OLIG1: variants seen among roughly 807,000 people sequenced by gnomAD.
The protein encoded by OLIG1 is basic domain, helix-loop-helix protein, class B, 6.
A neutral mutation model predicts 13.5 loss-of-function variants in OLIG1; 9 were observed. The observed-to-expected ratio is 0.67, with a 90% CI of 0.40 to 1.17. The LOEUF is 1.17. Ranked by LOEUF, OLIG1 falls within the 50% of genes most tolerant of loss-of-function variation. OLIG1 has a pLI of 0.01. For synonymous variants in OLIG1, 215 were observed against 208.3 expected, an observed-to-expected ratio of 1.03 and a Z score of -0.28; for missense variants, 362 against 392.2, an observed-to-expected ratio of 0.92 and a Z score of 0.65.
chr21:33,070,176 G>A lies in OLIG1; in HGVS notation c.-71G>A. The A allele has an allele frequency of 2.1e-6, 3 of 1,409,274 alleles. No homozygotes were observed. Among genetic ancestry groups the A allele is most frequent in the Middle Eastern group, 2.5e-4 (1 of 3,962 alleles). 87.3% of individuals were successfully genotyped at this position (1,409,274 alleles called of 1,614,324 possible). A position where few individuals can be genotyped will look rare whatever the true frequency, so the allele number is the denominator to read the frequency against. ...CCCCGCGCGCAGGTCCGCGGGGAGG[G>A]GCGGCCTGCCGACCGGCCCACCCCA... On this transcript the variant is annotated 5_prime_UTR_variant, in exon 1 of 1. Coordinates refer to ENST00000382348, the MANE Select transcript of OLIG1 (RefSeq NM_138983.3). The surrounding 1 kb of genome is among the most constrained non-coding windows in gnomAD (Gnocchi z 5.9).
rs1982185181 is a variant in OLIG1, at chr21:33,070,436, C to T, written c.190C>T (p.Leu64Phe). The change falls in exon 1 of 1, where the codon CTC (leucine) becomes TTC (phenylalanine). Residue 64 changes from leucine to phenylalanine, a missense_variant. By Grantham distance (22) the Leu-to-Phe change is conservative. This residue lies in a region of OLIG1 where 206 missense variants were observed against 197.2 expected (regional missense o/e 1.04). Coordinates refer to ENST00000382348, the MANE Select transcript of OLIG1 (RefSeq NM_138983.3). The surrounding 1 kb of genome is among the most constrained non-coding windows in gnomAD (Gnocchi z 5.9). The stretch of plus-strand genomic sequence containing the variant: ...TTCCTCCTCCTCCACGACGGCCCCC[C>T]TCCTCCCCAAGGCTGCGCGCGAGAA... The part of the protein sequence containing the change: ...STSSSSTTAP[L>F]LPKAAREKPE... The T allele has an allele frequency of 6.5e-7, 1 of 1,533,742 alleles. No individual in the cohort carries two copies.
Position 33,071,475 on chromosome 21 carries a change from C to G in OLIG1, c.*413C>G, listed in dbSNP as rs762180. On this transcript the variant is annotated 3_prime_UTR_variant, in exon 1 of 1. Coordinates refer to ENST00000382348, the MANE Select transcript of OLIG1 (RefSeq NM_138983.3). This position sits in a 1 kb window ranked among gnomAD's most constrained non-coding sequence, Gnocchi z 6.0. ...GCTACCTCCCCGGAGCGGAGCACGCCGGCTCCCAGTACTAGGGGCTGCGCT... is the reference window on the plus strand; with the variant it reads ...GCTACCTCCCCGGAGCGGAGCACGCGGGCTCCCAGTACTAGGGGCTGCGCT... 0.13 allele frequency: 21,067 copies of G among 166,392 alleles called. 1,439 individuals carry two copies. Among genetic ancestry groups the G allele is most frequent in the South Asian group, 0.24 (1,188 of 5,032 alleles). The allele number at this position is 166,392 out of a possible 1,614,324, so 10.3% of individuals were successfully genotyped here.
At position 33,070,525 on chromosome 21, in the gene OLIG1, C is replaced by T; in HGVS notation, c.279C>T (p.Ser93=). ...GPGSGAHPGG[S]ARPDAKEEQQ... is the part of the protein sequence containing the mutation. ...GGTCAGGCGCGCACCCGGGCGGCAG[C>T]GCCCGGCCGGACGCCAAGGAGGAGC... Residue 93 remains serine, a synonymous_variant, in exon 1 of 1, where the codon AGC becomes AGT. Transcript: ENST00000382348. This position sits in a 1 kb window ranked among gnomAD's most constrained non-coding sequence, Gnocchi z 5.9. The T allele has an allele frequency of 1.3e-6, 2 of 1,498,674 alleles. No individual in the cohort carries two copies. Among genetic ancestry groups the T allele is most frequent in the Non-Finnish European group, 1.8e-6 (2 of 1,129,788 alleles). 92.8% of individuals were successfully genotyped at this position (1,498,674 alleles called of 1,614,324 possible). A position where few individuals can be genotyped will look rare whatever the true frequency, so the allele number is the denominator to read the frequency against.
In OLIG1 at chr21:33,070,500, G is replaced by C; in HGVS notation, c.254G>C (p.Gly85Ala). Residue 85 changes from glycine (G) to alanine (A), a missense_variant, in exon 1 of 1, where the codon GGG (glycine) becomes GCG (alanine). By Grantham distance (60) the Gly-to-Ala change is moderately conservative. Transcript: ENST00000382348. This position sits in a 1 kb window ranked among gnomAD's most constrained non-coding sequence, Gnocchi z 5.9. ...GCCGAGCCTCCAGGCCCCGGGCCCG[G>C]GTCAGGCGCGCACCCGGGCGGCAGC... ...APAEPPGPGPGSGAHPGGSAR... is the reference protein window; with the variant it reads ...APAEPPGPGPASGAHPGGSAR... The C allele has an allele frequency of 6.6e-7, 1 of 1,506,618 alleles. No individual in the cohort carries two copies. Among genetic ancestry groups the C allele is most frequent in the East Asian group, 2.7e-5 (1 of 36,800 alleles). 93.3% of individuals were successfully genotyped at this position (1,506,618 alleles called of 1,614,324 possible).
chr21:33,070,533 C>A lies in OLIG1; in HGVS notation c.287C>A (p.Pro96Gln). The A allele has an allele frequency of 1.3e-6, 2 of 1,502,000 alleles. No individual in the cohort carries two copies. Among genetic ancestry groups the A allele is most frequent in the Non-Finnish European group, 1.8e-6 (2 of 1,131,184 alleles). 93.0% of individuals were successfully genotyped at this position (1,502,000 alleles called of 1,614,324 possible). A position where few individuals can be genotyped will look rare whatever the true frequency, so the allele number is the denominator to read the frequency against. ...SGAHPGGSAR[P>Q]DAKEEQQQQL... ...GCGCACCCGGGCGGCAGCGCCCGGCCGGACGCCAAGGAGGAGCAGCAGCAG... is the reference window on the plus strand; with the variant it reads ...GCGCACCCGGGCGGCAGCGCCCGGCAGGACGCCAAGGAGGAGCAGCAGCAG... Residue 96 changes from proline (P) to glutamine (Q), a missense_variant, in exon 1 of 1, where the codon CCG (proline) becomes CAG (glutamine). This residue lies in a region of OLIG1 where 206 missense variants were observed against 197.2 expected (regional missense o/e 1.04). Transcript: ENST00000382348. This position sits in a 1 kb window ranked among gnomAD's most constrained non-coding sequence, Gnocchi z 5.9.
Position 33,070,513 on chromosome 21 carries a change from C to G in OLIG1, c.267C>G (p.His89Gln). Residue 89 changes from histidine to glutamine, a missense_variant, in exon 1 of 1, where the codon CAC (histidine) becomes CAG (glutamine). Physicochemically the swap from His to Gln is conservative, Grantham distance 24. Coordinates refer to ENST00000382348, the MANE Select transcript of OLIG1 (RefSeq NM_138983.3). This position sits in a 1 kb window ranked among gnomAD's most constrained non-coding sequence, Gnocchi z 5.9. ...GCCCCGGGCCCGGGTCAGGCGCGCACCCGGGCGGCAGCGCCCGGCCGGACG... is the reference window on the plus strand; with the variant it reads ...GCCCCGGGCCCGGGTCAGGCGCGCAGCCGGGCGGCAGCGCCCGGCCGGACG... Reference protein sequence around the residue: ...PPGPGPGSGAHPGGSARPDAK... With the variant: ...PPGPGPGSGAQPGGSARPDAK... The G allele has an allele frequency of 6.7e-7, 1 of 1,499,672 alleles. No homozygotes were observed. The highest frequency in any genetic ancestry group is 8.8e-7 in the Non-Finnish European group (1 of 1,130,330). The allele number at this position is 1,499,672 out of a possible 1,614,324, so 92.9% of individuals were successfully genotyped here. A position where few individuals can be genotyped will look rare whatever the true frequency, so the allele number is the denominator to read the frequency against.
Position 33,070,384 on chromosome 21 carries a change from C to T in OLIG1, c.138C>T (p.Ser46=). ...VGYRQPPSSS[S]SSTSSTSSTS... ...ACAGGCAGCCGCCCTCCTCCTCCTC[C>T]TCCTCCACCTCCTCCACCTCCTCCA... Residue 46 remains serine (S), a synonymous_variant, in exon 1 of 1, where the codon TCC becomes TCT. Transcript: ENST00000382348. The surrounding 1 kb of genome is among the most constrained non-coding windows in gnomAD (Gnocchi z 5.9). The T allele has an allele frequency of 1.3e-6, 2 of 1,538,386 alleles. No individual in the cohort carries two copies. Among genetic ancestry groups the T allele is most frequent in the Non-Finnish European group, 8.7e-7 (1 of 1,144,050 alleles).
In OLIG1 at chr21:33,071,762, T is replaced by C. The variant is rs2123304909; in HGVS notation, c.*700T>C. On this transcript the variant is annotated 3_prime_UTR_variant, in exon 1 of 1. Transcript: ENST00000382348. The surrounding 1 kb of genome is among the most constrained non-coding windows in gnomAD (Gnocchi z 6.0). ...CTGGGTTGGGACGTGGGTCCACTTT[T>C]GTAGACCAGCTGTTTGGAGAGCTGT... is the stretch of plus-strand genomic sequence containing the variant. The C allele has an allele frequency of 6.0e-6, 1 of 167,188 alleles. No homozygotes were observed. Among genetic ancestry groups the C allele is most frequent in the Non-Finnish European group, 1.5e-5 (1 of 68,106 alleles). The allele number at this position is 167,188 out of a possible 1,614,324, so 10.4% of individuals were successfully genotyped here.
Position 33,070,730 on chromosome 21 carries a change from C to T in OLIG1, c.484C>T (p.Leu162=), listed in dbSNP as rs1982198611. The T allele has an allele frequency of 2.7e-6, 4 of 1,475,876 alleles. No homozygotes were observed. In the African/African-American group the frequency reaches 5.8e-5, roughly 21 times the overall value. The allele number at this position is 1,475,876 out of a possible 1,614,324, so 91.4% of individuals were successfully genotyped here. ...GCTGCTGCTCGCCCGCAACTACATC[C>T]TACTGCTGGGCAGCTCGCTGCAGGA... ...ATLLLARNYI[L]LLGSSLQELR... is the part of the protein sequence containing the mutation. Residue 162 remains leucine, a synonymous_variant, in exon 1 of 1, where the codon CTA becomes TTA. Transcript: ENST00000382348. This position sits in a 1 kb window ranked among gnomAD's most constrained non-coding sequence, Gnocchi z 5.9.
In OLIG1 at chr21:33,071,484, G is replaced by C. The variant is rs1303317912; in HGVS notation, c.*422G>C. On this transcript the variant is annotated 3_prime_UTR_variant, in exon 1 of 1. Transcript: ENST00000382348. The surrounding 1 kb of genome is among the most constrained non-coding windows in gnomAD (Gnocchi z 6.0). Reference sequence around the variant, plus strand: ...CCGGAGCGGAGCACGCCGGCTCCCAGTACTAGGGGCTGCGCTCGAGCAGTG... The same window carrying C: ...CCGGAGCGGAGCACGCCGGCTCCCACTACTAGGGGCTGCGCTCGAGCAGTG... The C allele has an allele frequency of 6.0e-6, 1 of 165,756 alleles. No individual in the cohort carries two copies. 10.3% of individuals were successfully genotyped at this position (165,756 alleles called of 1,614,324 possible).
chr21:33,070,187 G>A lies in OLIG1; in HGVS notation c.-60G>A. 1 of 1,413,180 alleles carries A rather than the reference G, an allele frequency of 7.1e-7. No homozygotes were observed. Among genetic ancestry groups the A allele is most frequent in the Non-Finnish European group, 9.2e-7 (1 of 1,081,408 alleles). 87.5% of individuals were successfully genotyped at this position (1,413,180 alleles called of 1,614,324 possible). On this transcript the variant is annotated 5_prime_UTR_variant, in exon 1 of 1. Transcript: ENST00000382348. The surrounding 1 kb of genome is among the most constrained non-coding windows in gnomAD (Gnocchi z 5.9). Reference sequence around the variant, plus strand: ...GGTCCGCGGGGAGGGGCGGCCTGCCGACCGGCCCACCCCAGGGCGTTCCTG... The same window carrying A: ...GGTCCGCGGGGAGGGGCGGCCTGCCAACCGGCCCACCCCAGGGCGTTCCTG...
chr21:33,071,070 C>A lies in OLIG1; in HGVS notation c.*8C>A. On this transcript the variant is annotated 3_prime_UTR_variant, in exon 1 of 1. Coordinates refer to ENST00000382348, the MANE Select transcript of OLIG1 (RefSeq NM_138983.3). This position sits in a 1 kb window ranked among gnomAD's most constrained non-coding sequence, Gnocchi z 6.0. ...GCGCAATTCTCCAAGTGAGGGCGGG[C>A]CTGGGCCTGGGGCGCGACCTCGGCC... The A allele has an allele frequency of 6.8e-7, 1 of 1,466,414 alleles. No individual in the cohort carries two copies. The allele number at this position is 1,466,414 out of a possible 1,614,324, so 90.8% of individuals were successfully genotyped here.
In OLIG1 at chr21:33,070,283, G is replaced by A; in HGVS notation, c.37G>A (p.Val13Ile). 6.5e-7 allele frequency: 1 copy of A among 1,541,464 alleles called. No individual in the cohort carries two copies. The highest frequency in any genetic ancestry group is 8.7e-7 in the Non-Finnish European group (1 of 1,143,282). The change falls in exon 1 of 1, where the codon GTC (valine) becomes ATC (isoleucine). Residue 13 changes from valine (V) to isoleucine (I), a missense_variant. Val to Ile is a conservative substitution (Grantham distance 29, BLOSUM62 3). Transcript: ENST00000382348. This position sits in a 1 kb window ranked among gnomAD's most constrained non-coding sequence, Gnocchi z 5.9. ...GGTTTCCCAGGCGCGCGTGAACGCG[G>A]TCCCCGGGACCATGCTGCGGCCACA... The part of the protein sequence containing the change: ...YAVSQARVNA[V>I]PGTMLRPQRP...
chr21:33,070,632 G>T lies in OLIG1; in HGVS notation c.386G>T (p.Arg129Leu). The T allele has an allele frequency of 6.3e-7, 1 of 1,575,458 alleles. No individual in the cohort carries two copies. ...QDLNLAMDAL[R>L]EVILPYSAAH... ...CTGAACCTGGCCATGGACGCCCTGC[G>T]CGAGGTCATCCTGCCCTACTCAGCG... The change falls in exon 1 of 1, where the codon CGC (arginine) becomes CTC (leucine). Residue 129 changes from arginine (R) to leucine (L), a missense_variant. Around this residue, in one of 3 missense-constraint regions of OLIG1, gnomAD observed 206 missense variants for 197.2 expected, o/e 1.04. Coordinates refer to ENST00000382348, the MANE Select transcript of OLIG1 (RefSeq NM_138983.3). This position sits in a 1 kb window ranked among gnomAD's most constrained non-coding sequence, Gnocchi z 5.9.
chr21:33,070,352 G>A lies in OLIG1; in HGVS notation c.106G>A (p.Val36Met), dbSNP rs1982177011. 7 of 1,545,964 alleles carry A rather than the reference G, an allele frequency of 4.5e-6. No individual in the cohort carries two copies. The highest frequency in any genetic ancestry group is 6.1e-6 in the Non-Finnish European group (7 of 1,145,604). ...GCTCGGGGCCTCCCTCTACGAGCTGGTGGGCTACAGGCAGCCGCCCTCCTC... is the reference window on the plus strand; with the variant it reads ...GCTCGGGGCCTCCCTCTACGAGCTGATGGGCTACAGGCAGCCGCCCTCCTC... ...LQLGASLYEL[V>M]GYRQPPSSSS... Residue 36 changes from valine (V) to methionine (M), a missense_variant, in exon 1 of 1, where the codon GTG becomes ATG. Transcript: ENST00000382348. The surrounding 1 kb of genome is among the most constrained non-coding windows in gnomAD (Gnocchi z 5.9).
At position 33,070,947 on chromosome 21, in the gene OLIG1, TCCCCGGCGGCGGCGCAGGCGG is replaced by T; in HGVS notation, c.709_729del (p.Gly237_Gly243del). On this transcript the variant is annotated inframe_deletion, in exon 1 of 1. Transcript: ENST00000382348. This position sits in a 1 kb window ranked among gnomAD's most constrained non-coding sequence, Gnocchi z 5.9. ...GAGCCGCCGTGCGGCCAGTTCGCTC[TCCCCGGCGGCGGCGCAGGCGG>T]CCCCGGCCTCTGCACCTGCGCCGTG... The T allele has an allele frequency of 6.9e-7, 1 of 1,458,220 alleles. No individual in the cohort carries two copies. Among genetic ancestry groups the T allele is most frequent in the East Asian group, 3.0e-5 (1 of 33,098 alleles). 90.3% of individuals were successfully genotyped at this position (1,458,220 alleles called of 1,614,324 possible).
chr21:33,071,179 T>G lies in OLIG1; in HGVS notation c.*117T>G. The G allele has an allele frequency of 9.9e-7, 1 of 1,010,044 alleles. No individual in the cohort carries two copies. Among genetic ancestry groups the G allele is most frequent in the Non-Finnish European group, 1.4e-6 (1 of 737,236 alleles). The allele number at this position is 1,010,044 out of a possible 1,614,324, so 62.6% of individuals were successfully genotyped here. ...CCGAGCAAGGAAAGCATTTCGAACCTTCCAGTCCAGAGGAAGGGACTGTCG... is the reference window on the plus strand; with the variant it reads ...CCGAGCAAGGAAAGCATTTCGAACCGTCCAGTCCAGAGGAAGGGACTGTCG... On this transcript the variant is annotated 3_prime_UTR_variant, in exon 1 of 1. Coordinates refer to ENST00000382348, the MANE Select transcript of OLIG1 (RefSeq NM_138983.3). This position sits in a 1 kb window ranked among gnomAD's most constrained non-coding sequence, Gnocchi z 6.0.
chr21:33,070,502 T>G lies in OLIG1; in HGVS notation c.256T>G (p.Ser86Ala), dbSNP rs1982188452. 1 of 1,505,298 alleles carries G rather than the reference T, an allele frequency of 6.6e-7. No homozygotes were observed. Among genetic ancestry groups the G allele is most frequent in the Non-Finnish European group, 8.8e-7 (1 of 1,133,008 alleles). 93.2% of individuals were successfully genotyped at this position (1,505,298 alleles called of 1,614,324 possible). ...CGAGCCTCCAGGCCCCGGGCCCGGG[T>G]CAGGCGCGCACCCGGGCGGCAGCGC... Reference protein sequence around the residue: ...PAEPPGPGPGSGAHPGGSARP... With the variant: ...PAEPPGPGPGAGAHPGGSARP... Residue 86 changes from serine to alanine, a missense_variant, in exon 1 of 1, where the codon TCA (serine) becomes GCA (alanine). Coordinates refer to ENST00000382348, the MANE Select transcript of OLIG1 (RefSeq NM_138983.3). The surrounding 1 kb of genome is among the most constrained non-coding windows in gnomAD (Gnocchi z 5.9).
rs1179171731 is a variant in OLIG1 at position 33,070,480 on chromosome 21, G to A, written c.234G>A (p.Glu78=). The change falls in exon 1 of 1, where the codon GAG becomes GAA. Residue 78 remains glutamate (E), a synonymous_variant. Coordinates refer to ENST00000382348, the MANE Select transcript of OLIG1 (RefSeq NM_138983.3). The surrounding 1 kb of genome is among the most constrained non-coding windows in gnomAD (Gnocchi z 5.9). ...AAREKPEAPA[E]PPGPGPGSGA... is the part of the protein sequence containing the mutation. The stretch of plus-strand genomic sequence containing the variant: ...GCGAGAAGCCGGAGGCGCCGGCCGA[G>A]CCTCCAGGCCCCGGGCCCGGGTCAG... 6.6e-7 allele frequency: 1 copy of A among 1,522,520 alleles called. No homozygotes were observed. Among genetic ancestry groups the A allele is most frequent in the Non-Finnish European group, 8.8e-7 (1 of 1,139,908 alleles). The allele number at this position is 1,522,520 out of a possible 1,614,324, so 94.3% of individuals were successfully genotyped here.
Sources: gnomAD v4.1 joint callset for allele counts on GRCh38, gnomAD v4.1.1 for gene constraint, gnomAD v4.1.1 regional missense constraint, Gnocchi (gnomAD v3.1) non-coding constraint, MANE v1.5 for transcripts, NCBI Gene and HGNC (gene_info 2026-07-23, HGNC 2026-07-21) for gene names.